IQCM: variants seen among roughly 807,000 people sequenced by gnomAD.
The protein encoded by IQCM is IQ domain-containing protein M.
IQCM carries 45 observed loss-of-function variants against 57.6 expected under a neutral mutation model. The observed-to-expected ratio is 0.78, with a 90% CI of 0.62 to 1.00. IQCM has a LOEUF of 1.00. Ranked by LOEUF, IQCM falls within the 50% of genes least tolerant of loss-of-function variation. IQCM has a pLI of 0.00. For missense variants in IQCM, 468 were observed against 511.6 expected (o/e 0.91, Z 0.82); for synonymous variants, 148 against 158.9 (o/e 0.93, Z 0.51).
At chr4:149,619,314 G>A (rs1561067629) in intron 8 of IQCM, among the ~76,000 whole-genome samples, 1 of 151,956 alleles carries the variant, frequency 6.6e-6, no homozygotes, top group Non-Finnish European at 1.5e-5. Context: ...AATAGACACT[G>A]GAGATGCTAA....
intron 10 of IQCM, among the ~76,000 whole-genome samples, chr4:149,555,276 C>T (rs1749468903): frequency 6.6e-6 from 1 of 152,148 alleles, no homozygotes; most frequent in Non-Finnish European, 1.5e-5. Context: ...ACATTCCCTA[C>T]ATATGAATCT....
chr4:149,496,036 A>G (rs890524803), intron 12 of IQCM, among the ~76,000 whole-genome samples: 2 of 152,120 alleles, frequency 1.3e-5, no homozygotes, highest in African/African-American at 4.8e-5. Flanking sequence ...ATATTCTGCA[A>G]CTGGGCAGTT....
At chr4:149,644,196 AAC>A (rs1758444768) in intron 7 of IQCM, among the ~76,000 whole-genome samples, 1 of 152,178 alleles carries the variant, frequency 6.6e-6, no homozygotes, top group South Asian at 2.1e-4. Context: ...TGTAAAATAT[AAC>A]ACAGAGAAAA....
intron 12 of IQCM, among the ~76,000 whole-genome samples, chr4:149,488,630 C>A (rs1347259771): frequency 6.6e-6 from 1 of 152,056 alleles, no homozygotes; most frequent in Non-Finnish European, 1.5e-5. Context: ...AAAACAGCGA[C>A]AACTTTCTCC....
chr4:149,588,344 G>A (rs575071308), intron 8 of IQCM, among the ~76,000 whole-genome samples: 33 of 151,830 alleles, frequency 2.2e-4, no homozygotes, highest in Non-Finnish European at 3.2e-4. Flanking sequence ...CAGTACATAT[G>A]CAAAAGGGAA....
At chr4:149,363,291 T>G (rs967714081) in intron 13 of IQCM, among the ~76,000 whole-genome samples, 1 of 152,150 alleles carries the variant, frequency 6.6e-6, no homozygotes, top group Non-Finnish European at 1.5e-5. Flanking sequence ...TCAGGCTTCC[T>G]GAGCTTCAGA....
At chr4:149,597,652 A>G (rs1188143857) in intron 8 of IQCM, among the ~76,000 whole-genome samples, 1 of 152,138 alleles carries the variant, frequency 6.6e-6, no homozygotes, top group African/African-American at 2.4e-5. Context: ...CAGCCTCCCA[A>G]AGTGCTAGGA....
At chr4:149,619,716 G>T (rs1036862077) in intron 8 of IQCM, among the ~76,000 whole-genome samples, 1 of 152,104 alleles carries the variant, frequency 6.6e-6, no homozygotes, top group African/African-American at 2.4e-5. Flanking sequence ...ACTAAATTGT[G>T]TCCCTTTGAA....
chr4:149,517,746 G>T (rs1361121811), intron 12 of IQCM, among the ~76,000 whole-genome samples: 1 of 152,146 alleles, frequency 6.6e-6, no homozygotes, highest in Non-Finnish European at 1.5e-5. Flanking sequence ...AGAATATAGA[G>T]CAGGCAGAAA....
At chr4:149,553,575 T>C (rs72955483) in intron 10 of IQCM, among the ~76,000 whole-genome samples, 2,786 of 152,288 alleles carry the variant, frequency 0.018, 53 homozygotes, top group African/African-American at 0.055. Context: ...CAGATTTCCA[T>C]AATATGTAGC....
At chr4:149,499,056 G>A (rs979972499) in intron 12 of IQCM, among the ~76,000 whole-genome samples, 3 of 152,140 alleles carry the variant, frequency 2.0e-5, no homozygotes, top group African/African-American at 7.2e-5. Flanking sequence ...GCATATTTGA[G>A]TGTTTACAAG....
At chr4:149,621,100 A>T in intron 8 of IQCM, 29 bp downstream of exon 8, 1 of 1,073,424 alleles carries the variant, frequency 9.3e-7, no homozygotes. Context: ...TGGCAATTCA[A>T]ATCTACATCC....
chr4:149,755,407 C>G (rs1310637654), intron 2 of IQCM, among the ~76,000 whole-genome samples: 1 of 152,142 alleles, frequency 6.6e-6, no homozygotes, highest in Non-Finnish European at 1.5e-5. Flanking sequence ...CTCCTGGAGC[C>G]AAACAGCTTT....
At chr4:149,564,191 G>A (rs1366990472) in intron 9 of IQCM, among the ~76,000 whole-genome samples, 1 of 152,164 alleles carries the variant, frequency 6.6e-6, no homozygotes, top group Admixed American at 6.5e-5. Context: ...TGACACGGCA[G>A]TTTAGTTCAA....
intron 12 of IQCM, among the ~76,000 whole-genome samples, chr4:149,521,863 A>C (rs368320563): frequency 1.3e-5 from 2 of 152,186 alleles, no homozygotes; most frequent in Admixed American, 1.3e-4. Flanking sequence ...CCTGGAGAGC[A>C]TGAGTAAATC....
At chr4:149,738,917 A>G (rs1041992981) in intron 3 of IQCM, among the ~76,000 whole-genome samples, 1 of 152,190 alleles carries the variant, frequency 6.6e-6, no homozygotes, top group African/African-American at 2.4e-5. Flanking sequence ...TTATTTTTAT[A>G]ATTTCCAAGG....
chr4:149,560,820 C>G (rs1750051248), intron 10 of IQCM, among the ~76,000 whole-genome samples: 1 of 152,138 alleles, frequency 6.6e-6, no homozygotes, highest in African/African-American at 2.4e-5. Flanking sequence ...GCAACAAACT[C>G]TGAAGTGGCA....
intron 7 of IQCM, among the ~76,000 whole-genome samples, chr4:149,670,940 C>CTTTTTTTTTTTTTTTTTTTTT (rs57287015): frequency 7.0e-6 from 1 of 143,374 alleles, no homozygotes; most frequent in Non-Finnish European, 1.5e-5. Flanking sequence ...AAAATTCTCT[C>CTTTTTTTTTTTTTTTTTTTTT]TTTTTTTTTT....
rs551767760 is a variant in IQCM at position 149,355,511 on chromosome 4, G to A, written c.1391-3445C>T. Among the ~76,000 whole-genome samples, 219 of 150,234 alleles carry A rather than the reference G, an allele frequency of 1.5e-3. 1 individual carries two copies. The highest frequency in any genetic ancestry group is 4.4e-4 in the Non-Finnish European group (30 of 67,834). On this transcript the variant is annotated intron_variant, in intron 13 of 13. Coordinates refer to ENST00000636793, the MANE Select transcript of IQCM (RefSeq NM_001363507.2). ...ATGCGGTGTTTGGTTTTTTGTCCTTGCGATAGTTTGCTGAGAATGATGGTT... is the reference window on the plus strand; with the variant it reads ...ATGCGGTGTTTGGTTTTTTGTCCTTACGATAGTTTGCTGAGAATGATGGTT...
Sources: allele counts gnomAD v4.1 joint callset (sites outside exome capture counted in the v4.1 genomes callset), GRCh38; gene constraint gnomAD v4.1.1; transcripts MANE v1.5; gene names NCBI Gene and HGNC (gene_info 2026-07-23, HGNC 2026-07-21).